The following MYOC variants were observed in gnomAD, a reference collection of about 807,000 sequenced individuals.
MYOC encodes myocilin.
In MYOC, 29 loss-of-function variants were observed where a neutral mutation model predicts 28.2. That is an observed-to-expected ratio of 1.03 (90% confidence interval 0.77 to 1.40). The LOEUF (loss-of-function observed/expected upper bound fraction) is 1.40, where lower values mean the gene tolerates loss of function less well. Ranked by LOEUF, MYOC falls within the 40% of genes most tolerant of loss-of-function variation. The pLI is 0.00. For synonymous variants in MYOC, 240 were observed against 245.6 expected, an observed-to-expected ratio of 0.98 and a Z score of 0.21; for missense variants, 569 against 620.6, an observed-to-expected ratio of 0.92 and a Z score of 0.88.
intron 1 of MYOC, among the ~76,000 whole-genome samples, chr1:171,649,255 C>G (rs951425604): frequency 6.6e-6 from 1 of 152,134 alleles, no homozygotes; most frequent in East Asian, 1.9e-4. Flanking sequence ...TACAGAAAGG[C>G]TGCCTTCTCA....
chr1:171,637,723 C>T (rs1266606798), intron 2 of MYOC, among the ~76,000 whole-genome samples: 1 of 151,922 alleles, frequency 6.6e-6, no homozygotes, highest in African/African-American at 2.4e-5. Flanking sequence ...AGCAATTTTC[C>T]TGCCTCAGCC....
chr1:171,638,448 C>T (rs1572211681), intron 2 of MYOC, 149 bp downstream of exon 2: 1 of 877,150 alleles, frequency 1.1e-6, no homozygotes, highest in East Asian at 2.5e-5. Context: ...AGAGAGAGTT[C>T]TGTTCCTCTT....
rs201154896 is a variant in MYOC, at chr1:171,651,995, T to G, written c.604+13A>C. The G allele has an allele frequency of 4.6e-4, 738 of 1,614,160 alleles. 4 individuals are homozygous for G. In the African/African-American group the frequency reaches 8.9e-3, roughly 19 times the overall value. On this transcript the variant is annotated intron_variant, in intron 1 of 2. Transcript: ENST00000037502. ...CCTGCTGAACTCAGAGTCCCCCCAC[T>G]CTGCATTCTTACCTTCTCTGGAGCC...
At chr1:171,641,956 A>G (rs1338561769) in intron 1 of MYOC, among the ~76,000 whole-genome samples, 1 of 152,200 alleles carries the variant, frequency 6.6e-6, no homozygotes, top group Non-Finnish European at 1.5e-5. Flanking sequence ...CATTTCATCA[A>G]AGCCACACAT....
intron 1 of MYOC, among the ~76,000 whole-genome samples, chr1:171,639,264 G>T (rs904086020): frequency 6.6e-6 from 1 of 152,160 alleles, no homozygotes; most frequent in East Asian, 1.9e-4. Flanking sequence ...GTTCATTGTA[G>T]TCTCTCTACT....
intron 1 of MYOC, among the ~76,000 whole-genome samples, chr1:171,647,899 G>T (rs889818783): frequency 3.3e-5 from 5 of 152,134 alleles, no homozygotes; most frequent in Non-Finnish European, 7.3e-5. Flanking sequence ...ACAAGAACAG[G>T]CCAGGCGCCG....
rs5778705 is a variant in MYOC at position 171,642,888 on chromosome 1, TA to T, written c.605-4167del. On this transcript the variant is annotated intron_variant, in intron 1 of 2. Coordinates refer to ENST00000037502, the MANE Select transcript of MYOC (RefSeq NM_000261.2). ...TTTGTCTAATAGGCTAGTCTATGTT[TA>T]AAAAAAAAAAAAAAAAGACACAATC... 2.4e-3 allele frequency among the ~76,000 whole-genome samples: 330 copies of T among 136,676 alleles called. 2 individuals carry two copies. Among genetic ancestry groups the T allele is most frequent in the Middle Eastern group, 3.8e-3 (1 of 266 alleles). The allele number at this position is 136,676 out of a possible 152,430, so 89.7% of individuals were successfully genotyped here.
chr1:171,644,207 A>T (rs1017381496), intron 1 of MYOC, among the ~76,000 whole-genome samples: 1 of 152,140 alleles, frequency 6.6e-6, no homozygotes, highest in Non-Finnish European at 1.5e-5. Context: ...AAAACCAAAA[A>T]GAGATTATGA....
Position 171,636,429 on chromosome 1 carries a change from C to T in MYOC, c.1011G>A (p.Gln337=). ...AVVYSGSLYF[Q]GAESRTVIRY... is the part of the protein sequence containing the mutation. Reference sequence around the variant, plus strand: ...TTATGACAGTTCTGGACTCAGCGCCCTGGAAATAGAGGCTCCCCGAGTACA... The same window carrying T: ...TTATGACAGTTCTGGACTCAGCGCCTTGGAAATAGAGGCTCCCCGAGTACA... The change falls in exon 3 of 3, where the codon CAG becomes CAA. Residue 337 remains glutamine, a synonymous_variant. Coordinates refer to ENST00000037502, the MANE Select transcript of MYOC (RefSeq NM_000261.2). The T allele has an allele frequency of 6.2e-7, 1 of 1,614,138 alleles. No individual in the cohort carries two copies. Among genetic ancestry groups the T allele is most frequent in the Non-Finnish European group, 8.5e-7 (1 of 1,180,032 alleles).
chr1:171,638,053 G>T (rs1230291765), intron 2 of MYOC, among the ~76,000 whole-genome samples: 1 of 152,096 alleles, frequency 6.6e-6, no homozygotes, highest in East Asian at 1.9e-4. Context: ...AGTAATCATT[G>T]TCAATAACAT....
Position 171,641,913 on chromosome 1 carries a change from C to T in MYOC, c.605-3191G>A, listed in dbSNP as rs79243560. On this transcript the variant is annotated intron_variant, in intron 1 of 2. Coordinates refer to ENST00000037502, the MANE Select transcript of MYOC (RefSeq NM_000261.2). ...AATTTAGATTTCAGGCAGAGAGGAT[C>T]ACCACAGAAGTCTTAATCCTCTGGT... Among the ~76,000 whole-genome samples the T allele has an allele frequency of 1.7e-3, 253 of 152,336 alleles. 3 individuals carry two copies. The highest frequency in any genetic ancestry group is 5.9e-3 in the African/African-American group (244 of 41,582).
chr1:171,643,170 A>G (rs1653118156), intron 1 of MYOC, among the ~76,000 whole-genome samples: 1 of 152,168 alleles, frequency 6.6e-6, no homozygotes, highest in Non-Finnish European at 1.5e-5. Flanking sequence ...GGACTGATTC[A>G]CTAGGTCAAA....
chr1:171,647,166 A>G (rs1161885339), intron 1 of MYOC, among the ~76,000 whole-genome samples: 1 of 152,238 alleles, frequency 6.6e-6, no homozygotes, highest in Non-Finnish European at 1.5e-5. Context: ...CTCTAGAATC[A>G]ACGCATGTTA....
chr1:171,644,100 C>T (rs2102947961), intron 1 of MYOC, among the ~76,000 whole-genome samples: 1 of 152,078 alleles, frequency 6.6e-6, no homozygotes, highest in East Asian at 1.9e-4. Context: ...CTATGCCATC[C>T]ACAGTTGCCA....
chr1:171,640,962 A>G (rs1270124328), intron 1 of MYOC, among the ~76,000 whole-genome samples: 1 of 152,156 alleles, frequency 6.6e-6, no homozygotes, highest in Non-Finnish European at 1.5e-5. Context: ...TGTGTATGAT[A>G]CTATAATGGT....
At chr1:171,640,232 A>G (rs768042576) in intron 1 of MYOC, among the ~76,000 whole-genome samples, 12 of 148,610 alleles carry the variant, frequency 8.1e-5, no homozygotes, top group Non-Finnish European at 1.6e-4. Flanking sequence ...GTTTTGCATA[A>G]TGGAGAGGGA....
chr1:171,639,946 GAA>G (rs1175117891), intron 1 of MYOC, among the ~76,000 whole-genome samples: 6,068 of 46,052 alleles, frequency 0.13, 43 homozygotes, highest in Middle Eastern at 0.27. Context: ...TCTGTCTCAA[GAA>G]AAAAAAAAAA....
chr1:171,639,946 G>GAAAA (rs1175117891), intron 1 of MYOC, among the ~76,000 whole-genome samples: 4,440 of 46,976 alleles, frequency 0.095, 1,028 homozygotes, highest in South Asian at 0.2. Flanking sequence ...TCTGTCTCAA[G>GAAAA]AAAAAAAAAA....
chr1:171,647,003 C>A (rs375583874), intron 1 of MYOC, among the ~76,000 whole-genome samples: 14 of 152,080 alleles, frequency 9.2e-5, no homozygotes, highest in South Asian at 2.1e-4. Flanking sequence ...TAGATATTTT[C>A]TATCACTGGA....
Sources: allele counts gnomAD v4.1 joint callset (sites outside exome capture counted in the v4.1 genomes callset), GRCh38; gene constraint gnomAD v4.1.1; transcripts MANE v1.5; gene names NCBI Gene and HGNC (gene_info 2026-07-23, HGNC 2026-07-21).